The following NKAIN2 variants were observed in gnomAD, a reference collection of about 807,000 sequenced individuals.
NKAIN2 encodes sodium/potassium transporting ATPase interacting 2, also known as sodium/potassium-transporting ATPase subunit beta-1-interacting protein 2.
NKAIN2 carries 14 observed loss-of-function variants against 32.6 expected under a neutral mutation model. The observed-to-expected ratio is 0.43, with a 90% confidence interval of 0.28 to 0.67. The LOEUF is 0.67. Among genes scored for constraint, NKAIN2 ranks in the 30% least tolerant of loss-of-function variants. The pLI, the probability that NKAIN2 is intolerant of heterozygous loss-of-function variation, is 0.17. For missense variants in NKAIN2, 198 were observed against 258.3 expected, an observed-to-expected ratio of 0.77 and a Z score of 1.60; for synonymous variants, 80 against 87.2, an observed-to-expected ratio of 0.92 and a Z score of 0.46.
At chr6:124,759,888 T>G (rs1319868432) in intron 4 of NKAIN2, among the ~76,000 whole-genome samples, 2 of 151,838 alleles carry the variant, frequency 1.3e-5, no homozygotes, top group East Asian at 3.9e-4. Flanking sequence ...ACATGATCCA[T>G]GTGCCTTATT....
chr6:124,752,865 T>C (rs919485097), intron 4 of NKAIN2, among the ~76,000 whole-genome samples: 2 of 152,094 alleles, frequency 1.3e-5, no homozygotes, highest in Admixed American at 1.3e-4. Context: ...GAATCTGACA[T>C]ATATACAGAA....
intron 3 of NKAIN2, among the ~76,000 whole-genome samples, chr6:124,481,034 A>T (rs1223512566): frequency 6.6e-6 from 1 of 152,120 alleles, no homozygotes; most frequent in African/African-American, 2.4e-5. Flanking sequence ...ACAGCCTCAG[A>T]TTCCTAAATT....
chr6:124,079,919 T>G (rs1582601205), intron 1 of NKAIN2, among the ~76,000 whole-genome samples: 1 of 149,508 alleles, frequency 6.7e-6, no homozygotes. Context: ...AAGGGTGGGG[T>G]TGGGGGGTGG....
At chr6:124,134,699 A>G (rs1786646300) in intron 1 of NKAIN2, among the ~76,000 whole-genome samples, 1 of 152,116 alleles carries the variant, frequency 6.6e-6, no homozygotes, top group Admixed American at 6.6e-5. Context: ...AAATACAAAC[A>G]AAAAGTTTGG....
chr6:124,064,027 T>C (rs890563956), intron 1 of NKAIN2, among the ~76,000 whole-genome samples: 2 of 151,918 alleles, frequency 1.3e-5, no homozygotes, highest in Non-Finnish European at 2.9e-5. Context: ...CTCAGTTCAA[T>C]GCATGCTCTG....
intron 1 of NKAIN2, among the ~76,000 whole-genome samples, chr6:123,994,900 T>G (rs568991473): frequency 1.3e-5 from 2 of 152,322 alleles, no homozygotes; most frequent in South Asian, 4.1e-4. Flanking sequence ...AACTTTGTGC[T>G]CTGCTGTTAC....
intron 2 of NKAIN2, among the ~76,000 whole-genome samples, chr6:124,306,161 T>C (rs951041774): frequency 6.6e-6 from 1 of 152,166 alleles, no homozygotes; most frequent in Non-Finnish European, 1.5e-5. Flanking sequence ...AGCCTTCTAA[T>C]ATGGTAAGTT....
chr6:124,064,657 G>A (rs1192892304), intron 1 of NKAIN2, among the ~76,000 whole-genome samples: 1 of 152,124 alleles, frequency 6.6e-6, no homozygotes, highest in East Asian at 1.9e-4. Context: ...GGTAACATTT[G>A]ACATCTGGGC....
intron 1 of NKAIN2, among the ~76,000 whole-genome samples, chr6:123,949,875 C>A (rs925711156): frequency 1.3e-5 from 2 of 151,874 alleles, no homozygotes; most frequent in African/African-American, 4.8e-5. Flanking sequence ...TTATTTTGTT[C>A]CAGATGTTAG....
At chr6:124,646,230 A>C (rs1784161849) in intron 3 of NKAIN2, among the ~76,000 whole-genome samples, 1 of 152,184 alleles carries the variant, frequency 6.6e-6, no homozygotes, top group African/African-American at 2.4e-5. Context: ...GCCAAGACAC[A>C]ATTAAAATAA....
At chr6:123,983,111 T>A (rs1274664686) in intron 1 of NKAIN2, among the ~76,000 whole-genome samples, 1 of 152,062 alleles carries the variant, frequency 6.6e-6, no homozygotes, top group East Asian at 1.9e-4. Context: ...GTAGTAGGGC[T>A]ATTAACTATG....
intron 5 of NKAIN2, among the ~76,000 whole-genome samples, chr6:124,810,463 T>C (rs1780840146): frequency 6.6e-6 from 1 of 151,800 alleles, no homozygotes. Context: ...AAGGGGAACA[T>C]CACACTCTGA....
At chr6:124,384,697 T>C (rs974827021) in intron 3 of NKAIN2, among the ~76,000 whole-genome samples, 1 of 145,268 alleles carries the variant, frequency 6.9e-6, no homozygotes, top group Non-Finnish European at 1.6e-5. Flanking sequence ...TATGGCTCAC[T>C]GCAGCCTCAG....
At chr6:124,453,322 A>AAC (rs766482280) in intron 3 of NKAIN2, among the ~76,000 whole-genome samples, 2,628 of 63,874 alleles carry the variant, frequency 0.041, 85 homozygotes, top group African/African-American at 0.045. Flanking sequence ...CATGCATATA[A>AAC]ACACACACAC....
At chr6:124,149,964 G>C (rs541568172) in intron 1 of NKAIN2, among the ~76,000 whole-genome samples, 17 of 152,108 alleles carry the variant, frequency 1.1e-4, no homozygotes, top group African/African-American at 3.1e-4. Flanking sequence ...TTCCCCTTTC[G>C]GTGAAGGTCA....
At position 124,662,246 on chromosome 6, in the gene NKAIN2, T is replaced by G. The variant is rs538212319; in HGVS notation, c.474+3860T>G. 1.1e-4 allele frequency among the ~76,000 whole-genome samples: 16 copies of G among 152,244 alleles called. 1 individual carries two copies. In the South Asian group the frequency reaches 3.3e-3, roughly 32 times the overall value. On this transcript the variant is annotated intron_variant, in intron 4 of 6. Coordinates refer to ENST00000368417, the MANE Select transcript of NKAIN2 (RefSeq NM_001040214.3). ...TGCACATATTATACTTTACTTCCTG[T>G]GATAAAAACAATGAACAGGGAGTGT...
At chr6:124,540,696 A>G (rs1321339198) in intron 3 of NKAIN2, among the ~76,000 whole-genome samples, 1 of 152,220 alleles carries the variant, frequency 6.6e-6, no homozygotes, top group Non-Finnish European at 1.5e-5. Context: ...TTGACTGTAC[A>G]ATGGTGAGAA....
At chr6:124,200,137 T>G (rs1790527116) in intron 1 of NKAIN2, among the ~76,000 whole-genome samples, 1 of 152,138 alleles carries the variant, frequency 6.6e-6, no homozygotes, top group Non-Finnish European at 1.5e-5. Flanking sequence ...CACAGCCAGA[T>G]GACAATGAAA....
chr6:124,164,230 G>A (rs1788418849), intron 1 of NKAIN2, among the ~76,000 whole-genome samples: 1 of 151,628 alleles, frequency 6.6e-6, no homozygotes. Context: ...TTTTTGCCAC[G>A]GAAAATAGAG....
Sources: gnomAD v4.1 joint callset for allele counts (sites outside exome capture counted in the v4.1 genomes callset) on GRCh38, gnomAD v4.1.1 for gene constraint, MANE v1.5 for transcripts, NCBI Gene and HGNC (gene_info 2026-07-23, HGNC 2026-07-21) for gene names.